NCALD: variants seen among roughly 807,000 people sequenced by gnomAD.
NCALD encodes the protein neurocalcin-delta.
NCALD carries 10 observed loss-of-function variants against 18.6 expected under a neutral mutation model. That is an observed-to-expected ratio of 0.54 (90% CI 0.33 to 0.91). NCALD has a LOEUF of 0.91. NCALD is among the 40% of genes least tolerant of loss of function. The pLI, the probability that NCALD is intolerant of heterozygous loss-of-function variation, is 0.03. For missense variants in NCALD, 184 were observed against 247.6 expected, an observed-to-expected ratio of 0.74 and a Z score of 1.72; for synonymous variants, 88 against 87.4, an observed-to-expected ratio of 1.01 and a Z score of -0.04.
chr8:101,897,794 T>C (rs1312903752), intron 3 of NCALD, among the ~76,000 whole-genome samples: 1 of 152,176 alleles, frequency 6.6e-6, no homozygotes, highest in African/African-American at 2.4e-5. Context: ...GCATGGTAAT[T>C]CCATTTTTTT....
At chr8:101,804,570 TA>T (rs1196062984) in intron 4 of NCALD, among the ~76,000 whole-genome samples, 2 of 121,630 alleles carry the variant, frequency 1.6e-5, no homozygotes, top group Non-Finnish European at 3.3e-5. Context: ...AATATATAAT[TA>T]ATATAATTAA....
intron 3 of NCALD, among the ~76,000 whole-genome samples, chr8:101,896,318 A>G (rs1817169005): frequency 6.6e-6 from 1 of 152,040 alleles, no homozygotes; most frequent in South Asian, 2.1e-4. Flanking sequence ...CCATATGTAG[A>G]AAGCTGAAAC....
intron 2 of NCALD, among the ~76,000 whole-genome samples, chr8:102,000,728 T>C (rs1309024574): frequency 6.6e-6 from 1 of 152,224 alleles, no homozygotes; most frequent in Non-Finnish European, 1.5e-5. Flanking sequence ...CAATATCTGC[T>C]GTTCTGCAGC....
At chr8:101,995,908 T>C (rs1164937851) in intron 2 of NCALD, among the ~76,000 whole-genome samples, 1 of 152,206 alleles carries the variant, frequency 6.6e-6, no homozygotes, top group Non-Finnish European at 1.5e-5. Flanking sequence ...ATCCTATAAC[T>C]AACTTCTGCC....
intron 2 of NCALD, among the ~76,000 whole-genome samples, chr8:101,998,341 G>T (rs1821314813): frequency 6.6e-6 from 1 of 152,226 alleles, no homozygotes; most frequent in South Asian, 2.1e-4. Context: ...AATTGCAATG[G>T]GCGATTTTGC....
At chr8:101,920,508 C>T (rs777168995) in intron 2 of NCALD, among the ~76,000 whole-genome samples, 8 of 152,110 alleles carry the variant, frequency 5.3e-5, no homozygotes, top group Admixed American at 1.3e-4. Flanking sequence ...TAGATTAAAA[C>T]ATATGTGGTA....
At chr8:102,014,455 G>C (rs2132077199) in intron 2 of NCALD, among the ~76,000 whole-genome samples, 1 of 151,902 alleles carries the variant, frequency 6.6e-6, no homozygotes, top group South Asian at 2.1e-4. Context: ...TGAATTCTGG[G>C]GGGTATACAA....
At chr8:102,086,897 G>C (rs1423984586) in intron 1 of NCALD, among the ~76,000 whole-genome samples, 1 of 152,216 alleles carries the variant, frequency 6.6e-6, no homozygotes, top group African/African-American at 2.4e-5. Context: ...AGATGGCAAT[G>C]AGAGTGACTT....
intron 2 of NCALD, among the ~76,000 whole-genome samples, chr8:101,997,345 C>T (rs372164353): frequency 1.3e-5 from 2 of 152,108 alleles, no homozygotes; most frequent in South Asian, 2.1e-4. Flanking sequence ...AATGTAAATA[C>T]ATAAATAATA....
chr8:101,961,556 G>C (rs1412993295), intron 2 of NCALD, among the ~76,000 whole-genome samples: 3 of 152,116 alleles, frequency 2.0e-5, no homozygotes, highest in Non-Finnish European at 2.9e-5. Flanking sequence ...GCTGACTGTG[G>C]TACTGCTGGG....
At chr8:101,815,903 C>CAGT (rs770289958) in intron 4 of NCALD, among the ~76,000 whole-genome samples, 1 of 152,088 alleles carries the variant, frequency 6.6e-6, no homozygotes, top group Non-Finnish European at 1.5e-5. Flanking sequence ...AGATGTCCTT[C>CAGT]AGTAGGTAAG....
intron 1 of NCALD, among the ~76,000 whole-genome samples, chr8:102,037,124 A>C (rs1365498558): frequency 3.9e-5 from 6 of 152,204 alleles, no homozygotes; most frequent in Admixed American, 3.9e-4. Context: ...CGTAACCACT[A>C]ACAAAAGCAA....
At chr8:101,895,099 A>T (rs2131534414) in intron 3 of NCALD, among the ~76,000 whole-genome samples, 1 of 150,932 alleles carries the variant, frequency 6.6e-6, no homozygotes, top group South Asian at 2.1e-4. Flanking sequence ...ATGAACATTG[A>T]TGCAAAAATC....
chr8:101,702,432 G>C (rs1815312981), intron 2 of NCALD, among the ~76,000 whole-genome samples: 1 of 151,878 alleles, frequency 6.6e-6, no homozygotes, highest in Admixed American at 6.6e-5. Context: ...GTCTCACTAT[G>C]TTGCCCAGGC....
chr8:102,119,542 T>G (rs1055628746), intron 1 of NCALD, among the ~76,000 whole-genome samples: 1 of 152,156 alleles, frequency 6.6e-6, no homozygotes, highest in African/African-American at 2.4e-5. Flanking sequence ...GAACTGTACG[T>G]TTAAGAATGG....
In NCALD at chr8:101,796,476, G is replaced by A. The variant is rs1037265415; in HGVS notation, c.-19-76828C>T. ...ATATGGCAAACTGGAGAATCCTCAC[G>A]CAAAAATGAAATTTTAAAAAAGGAA... On this transcript the variant is annotated intron_variant, in intron 4 of 6. Coordinates refer to the NCALD transcript ENST00000311028. 4.6e-5 allele frequency among the ~76,000 whole-genome samples: 7 copies of A among 152,026 alleles called. No homozygotes were observed. The East Asian group carries it at 7.7e-4, about 17-fold the overall frequency.
chr8:101,817,692 C>T (rs943767849), intron 4 of NCALD, among the ~76,000 whole-genome samples: 3 of 152,116 alleles, frequency 2.0e-5, no homozygotes, highest in Admixed American at 6.5e-5. Context: ...GAGTTCAGAG[C>T]ATCCCATTCA....
At chr8:102,019,369 A>C (rs1005738657) in intron 2 of NCALD, among the ~76,000 whole-genome samples, 17 of 152,156 alleles carry the variant, frequency 1.1e-4, no homozygotes, top group Non-Finnish European at 2.4e-4. Context: ...GTTTGATAGT[A>C]TCTACTAAAG....
At chr8:101,754,359 A>G (rs1247678288) in intron 1 of NCALD, among the ~76,000 whole-genome samples, 1 of 152,194 alleles carries the variant, frequency 6.6e-6, no homozygotes, top group East Asian at 1.9e-4. Context: ...TGGTGCTGCT[A>G]TAACAAGATG....
Sources: gnomAD v4.1 joint callset for allele counts (sites outside exome capture counted in the v4.1 genomes callset) on GRCh38, gnomAD v4.1.1 for gene constraint, MANE v1.5 for transcripts, NCBI Gene and HGNC (gene_info 2026-07-23, HGNC 2026-07-21) for gene names.